HDAC1: variants seen among roughly 807,000 people sequenced by gnomAD.
The protein encoded by HDAC1 is protein deacetylase HDAC1.
In HDAC1, 18 loss-of-function variants were observed where a neutral mutation model predicts 65.5. The observed-to-expected ratio is 0.27, with a 90% confidence interval of 0.19 to 0.41. The LOEUF (loss-of-function observed/expected upper bound fraction) is 0.41. Ranked by LOEUF, HDAC1 falls within the 10% of genes least tolerant of loss-of-function variation. The pLI, the probability that HDAC1 is intolerant of heterozygous loss-of-function variation, is 1.00. For missense variants in HDAC1, 373 were observed against 625.2 expected (o/e 0.60, Z 4.30); for synonymous variants, 211 against 227.9 (o/e 0.93, Z 0.67).
chr1:32,295,294 G>T (rs1204153551), intron 1 of HDAC1, among the ~76,000 whole-genome samples: 1 of 152,050 alleles, frequency 6.6e-6, no homozygotes, highest in Non-Finnish European at 1.5e-5. Context: ...TGTGCCTGTA[G>T]AGAGGCTGAA....
chr1:32,319,272 C>T (rs889470388), intron 3 of HDAC1, among the ~76,000 whole-genome samples: 3 of 152,016 alleles, frequency 2.0e-5, no homozygotes, highest in Non-Finnish European at 4.4e-5. Flanking sequence ...ATAATTAGGT[C>T]TTGGATTTTT....
rs547964584 is a variant in HDAC1 at position 32,330,987 on chromosome 1, C to A, written c.979+79C>A. 1.4e-6 allele frequency: 2 copies of A among 1,421,046 alleles called. No homozygotes were observed. The highest frequency in any genetic ancestry group is 2.0e-6 in the Non-Finnish European group (2 of 1,014,212). The allele number at this position is 1,421,046 out of a possible 1,614,324, so 88.0% of individuals were successfully genotyped here. A position where few individuals can be genotyped will look rare whatever the true frequency, so the allele number is the denominator to read the frequency against. On this transcript the variant is annotated intron_variant, in intron 9 of 13. Coordinates refer to ENST00000373548, the MANE Select transcript of HDAC1 (RefSeq NM_004964.3). This position sits in a 1 kb window ranked among gnomAD's most constrained non-coding sequence, Gnocchi z 4.2. Reference sequence around the variant, plus strand: ...TGTCCTTAAGTTTATAACCCCTTCCCCGTTGGTCATATGACCGCTCCTCTT... The same window carrying A: ...TGTCCTTAAGTTTATAACCCCTTCCACGTTGGTCATATGACCGCTCCTCTT...
intron 6 of HDAC1, 147 bp from the exon 7 acceptor site, chr1:32,328,921 C>T: frequency 1.5e-6 from 1 of 657,514 alleles, no homozygotes; most frequent in Non-Finnish European, 2.8e-6. Flanking sequence ...GAGAATGGTA[C>T]TAACAAGGTA....
At position 32,316,874 on chromosome 1, in the gene HDAC1, A is replaced by G. The variant is rs142941874; in HGVS notation, c.280+92A>G. The G allele has an allele frequency of 9.4e-4, 747 of 790,820 alleles. 3 individuals are homozygous for G. The African/African-American group carries it at 0.011, about 11-fold the overall frequency. 49.0% of individuals were successfully genotyped at this position (790,820 alleles called of 1,614,324 possible). A position where few individuals can be genotyped will look rare whatever the true frequency, so the allele number is the denominator to read the frequency against. The stretch of plus-strand genomic sequence containing the variant: ...CCATTCTGCCGTCCTCGCACCTCCC[A>G]TTCAGTGGACACCTGATTTCCCCTA... On this transcript the variant is annotated intron_variant, in intron 3 of 13. Coordinates refer to ENST00000373548, the MANE Select transcript of HDAC1 (RefSeq NM_004964.3).
chr1:32,299,048 C>T (rs1298708095), intron 1 of HDAC1, among the ~76,000 whole-genome samples: 2 of 152,078 alleles, frequency 1.3e-5, no homozygotes, highest in Admixed American at 1.3e-4. Flanking sequence ...AGGACCATTT[C>T]TTTTAAAGTC....
chr1:32,324,871 G>A (rs1641196838), intron 4 of HDAC1, among the ~76,000 whole-genome samples: 1 of 152,162 alleles, frequency 6.6e-6, no homozygotes, highest in South Asian at 2.1e-4. Flanking sequence ...CAGCTACTCA[G>A]GAGGCTGAGG....
In HDAC1 at chr1:32,318,805, A is replaced by G. The variant is rs114253679; in HGVS notation, c.280+2023A>G. On this transcript the variant is annotated intron_variant, in intron 3 of 13. Coordinates refer to ENST00000373548, the MANE Select transcript of HDAC1 (RefSeq NM_004964.3). ...GTGCGCCAATTTTTCCGAATCCAGC[A>G]TTCTAAAGTTGTACATTAAAAAATT... 6.4e-3 allele frequency among the ~76,000 whole-genome samples: 974 copies of G among 152,288 alleles called. 7 individuals are homozygous for G. The highest frequency in any genetic ancestry group is 0.022 in the African/African-American group (923 of 41,564).
At chr1:32,319,722 C>A (rs534186802) in intron 3 of HDAC1, among the ~76,000 whole-genome samples, 2 of 151,984 alleles carry the variant, frequency 1.3e-5, no homozygotes, top group African/African-American at 4.8e-5. Flanking sequence ...CATAGTGAGA[C>A]CCCCATCTCT....
At chr1:32,325,841 C>A (rs973619386) in intron 4 of HDAC1, among the ~76,000 whole-genome samples, 9 of 152,098 alleles carry the variant, frequency 5.9e-5, no homozygotes, top group Non-Finnish European at 1.3e-4. Context: ...GCCTGACCAA[C>A]ATGGTGAAAC....
rs1291513556 is a variant in HDAC1 at position 32,333,459 on chromosome 1, TTC to T, written c.*417_*418del. ...GTAACATCAGCCATTTTTAGATTGG[TTC>T]TGTTTTCGTACCTTCCCACTGGCCT... On this transcript the variant is annotated 3_prime_UTR_variant, in exon 14 of 14. Transcript: ENST00000373548. The T allele has an allele frequency of 6.4e-6, 1 of 155,924 alleles. No homozygotes were observed. Among genetic ancestry groups the T allele is most frequent in the East Asian group, 1.9e-4 (1 of 5,268 alleles). The allele number at this position is 155,924 out of a possible 1,614,324, so 9.7% of individuals were successfully genotyped here.
In HDAC1 at chr1:32,315,082, G is replaced by C. The variant is rs561113744; in HGVS notation, c.163-1583G>C. 8.6e-4 allele frequency among the ~76,000 whole-genome samples: 131 copies of C among 152,274 alleles called. 1 individual carries two copies. The highest frequency in any genetic ancestry group is 3.1e-3 in the African/African-American group (127 of 41,564). On this transcript the variant is annotated intron_variant, in intron 2 of 13. Transcript: ENST00000373548. ...TGTTGTATTGGTAATTAGAGAGGCA[G>C]AGGGTCATGTTTGAAGAAGACCTAC... is the stretch of plus-strand genomic sequence containing the variant.
chr1:32,310,624 T>C (rs1382974222), intron 2 of HDAC1, among the ~76,000 whole-genome samples: 6 of 151,932 alleles, frequency 3.9e-5, no homozygotes, highest in African/African-American at 9.7e-5. Context: ...CTGAGGCGGA[T>C]GGATCACCTG....
At chr1:32,315,969 C>CAAAA (rs1641056561) in intron 2 of HDAC1, among the ~76,000 whole-genome samples, 1 of 134,166 alleles carries the variant, frequency 7.5e-6, no homozygotes, top group African/African-American at 2.9e-5. Context: ...CGCCTCAAAA[C>CAAAA]AAACAAACAA....
Position 32,327,709 on chromosome 1 carries a change from A to T in HDAC1, c.636+32A>T. On this transcript the variant is annotated intron_variant, in intron 6 of 13. Transcript: ENST00000373548. This position sits in a 1 kb window ranked among gnomAD's most constrained non-coding sequence, Gnocchi z 6.0. ...ACGCCCTTTAGGAGCCAACCGGCTT[A>T]CCCTCAGCTGGCAGCTCTACTTCTC... 6.2e-7 allele frequency: 1 copy of T among 1,610,220 alleles called. No individual in the cohort carries two copies. The highest frequency in any genetic ancestry group is 2.2e-5 in the East Asian group (1 of 44,862).
At position 32,299,403 on chromosome 1, in the gene HDAC1, C is replaced by G. The variant is rs550935362; in HGVS notation, c.50-3218C>G. 2.6e-5 allele frequency among the ~76,000 whole-genome samples: 4 copies of G among 152,080 alleles called. No homozygotes were observed. In the South Asian group the frequency reaches 8.3e-4, roughly 32 times the overall value. On this transcript the variant is annotated intron_variant, in intron 1 of 13. Transcript: ENST00000373548. ...CAAAGCAAGATGCCATCTCTACAAA[C>G]AAACAAACAAAAACATCAAACAAAA...
chr1:32,297,283 TG>T (rs537880696), intron 1 of HDAC1, among the ~76,000 whole-genome samples: 3 of 152,288 alleles, frequency 2.0e-5, no homozygotes, highest in Admixed American at 1.3e-4. Context: ...GGTTCACGCC[TG>T]TAATCCCAGT....
At chr1:32,302,044 A>G (rs1444728433) in intron 1 of HDAC1, among the ~76,000 whole-genome samples, 1 of 152,220 alleles carries the variant, frequency 6.6e-6, no homozygotes, top group Non-Finnish European at 1.5e-5. Context: ...ACAGTGTGGC[A>G]GGTAGTGTGA....
rs2148058321 is a variant in HDAC1 at position 32,302,695 on chromosome 1, C to T, written c.124C>T (p.Leu42=). 1 of 1,601,910 alleles carries T rather than the reference C, an allele frequency of 6.2e-7. No homozygotes were observed. The highest frequency in any genetic ancestry group is 1.1e-5 in the South Asian group (1 of 90,880). The change falls in exon 2 of 14, where the codon CTG becomes TTG. Residue 42 remains leucine, a synonymous_variant. Transcript: ENST00000373548. ...CCGAATCCGCATGACTCATAATTTG[C>T]TGCTCAACTATGGTCTCTACCGAAA... ...PHRIRMTHNL[L]LNYGLYRKME...
At chr1:32,322,261 G>A (rs1174177035) in intron 3 of HDAC1, among the ~76,000 whole-genome samples, 1 of 151,658 alleles carries the variant, frequency 6.6e-6, no homozygotes, top group African/African-American at 2.4e-5. Flanking sequence ...GCTCATTGAT[G>A]TCTCAGCAGT....
Sources: allele counts gnomAD v4.1 joint callset (sites outside exome capture counted in the v4.1 genomes callset), GRCh38; gene constraint gnomAD v4.1.1; non-coding constraint Gnocchi (gnomAD v3.1); transcripts MANE v1.5; gene names NCBI Gene and HGNC (gene_info 2026-07-23, HGNC 2026-07-21).